Variants in GRAMD1B observed in about 807,000 individuals in gnomAD.
GRAMD1B encodes protein Aster-B.
GRAMD1B carries 37 observed loss-of-function variants against 99.7 expected under a neutral mutation model. That is an observed-to-expected ratio of 0.37 (90% CI 0.29 to 0.49). GRAMD1B has a LOEUF of 0.49. Among genes scored for constraint, GRAMD1B ranks in the 20% least tolerant of loss-of-function variants. GRAMD1B has a pLI of 0.98. For synonymous variants in GRAMD1B, 427 were observed against 387.6 expected, an observed-to-expected ratio of 1.10 and a Z score of -1.19; for missense variants, 888 against 1,009.2, an observed-to-expected ratio of 0.88 and a Z score of 1.63.
intron 1 of GRAMD1B, among the ~76,000 whole-genome samples, chr11:123,462,362 A>T (rs1211787811): frequency 6.6e-6 from 1 of 151,730 alleles, no homozygotes; most frequent in Non-Finnish European, 1.5e-5. Flanking sequence ...GGCAGAGCAG[A>T]CTCGTTACTT....
intron 2 of GRAMD1B, among the ~76,000 whole-genome samples, chr11:123,567,509 T>C (rs116235624): frequency 2.5e-3 from 380 of 152,344 alleles, no homozygotes; most frequent in African/African-American, 7.8e-3. Context: ...TTTTTCTCCT[T>C]GGCTCTGGCA....
chr11:123,609,692 G>A (rs1478337985), intron 12 of GRAMD1B, 103 bp from the exon 13 acceptor site: 3 of 680,904 alleles, frequency 4.4e-6, no homozygotes, highest in Admixed American at 2.8e-5. Context: ...TGGGGGCCAG[G>A]CAGTAGTAAG....
chr11:123,497,125 G>A (rs1939373722), intron 2 of GRAMD1B, among the ~76,000 whole-genome samples: 1 of 152,158 alleles, frequency 6.6e-6, no homozygotes, highest in Non-Finnish European at 1.5e-5. Flanking sequence ...GTATTTGAAG[G>A]CATTTGGCCC....
intron 2 of GRAMD1B, among the ~76,000 whole-genome samples, chr11:123,500,725 T>C (rs1033972267): frequency 1.3e-5 from 2 of 152,016 alleles, no homozygotes; most frequent in African/African-American, 4.8e-5. Context: ...CAGGCTGGAG[T>C]GCAGTGGCGC....
intron 1 of GRAMD1B, among the ~76,000 whole-genome samples, chr11:123,434,444 A>G (rs905697203): frequency 1.3e-5 from 2 of 152,124 alleles, no homozygotes; most frequent in Admixed American, 1.3e-4. Flanking sequence ...CCTTCCAAGA[A>G]AAGCAGCAAT....
At position 123,382,834 on chromosome 11, in the gene GRAMD1B, C is replaced by T. The variant is rs1393323760; in HGVS notation, c.-176+24035C>T. On this transcript the variant is annotated intron_variant, in intron 1 of 20. Transcript: ENST00000638157. The stretch of plus-strand genomic sequence containing the variant: ...AGAGGTCACCTGACCTGAGCTGTGG[C>T]CTTGGGTGCAGAGATGCAGTCAATC... 2.6e-5 allele frequency among the ~76,000 whole-genome samples: 4 copies of T among 152,128 alleles called. No homozygotes were observed. The East Asian group carries it at 7.7e-4, about 29-fold the overall frequency.
At chr11:123,508,728 C>T (rs1940687135) in intron 2 of GRAMD1B, among the ~76,000 whole-genome samples, 1 of 152,032 alleles carries the variant, frequency 6.6e-6, no homozygotes. Flanking sequence ...TCTTGTTGCC[C>T]AGGCTGGAGT....
chr11:123,507,447 T>G (rs1394131520), intron 2 of GRAMD1B, among the ~76,000 whole-genome samples: 2 of 152,198 alleles, frequency 1.3e-5, no homozygotes. Flanking sequence ...ATCCTCAACC[T>G]TTTTTATTAG....
intron 1 of GRAMD1B, among the ~76,000 whole-genome samples, chr11:123,446,575 T>G (rs1316259670): frequency 6.6e-6 from 1 of 152,284 alleles, no homozygotes; most frequent in South Asian, 2.1e-4. Context: ...ATTCAGAAAG[T>G]TCTCAGAACA....
intron 1 of GRAMD1B, among the ~76,000 whole-genome samples, chr11:123,364,868 T>C (rs1169218006): frequency 2.0e-5 from 3 of 152,196 alleles, no homozygotes; most frequent in African/African-American, 7.2e-5. Context: ...AAAATGAGTT[T>C]CTCAACTTGT....
chr11:123,380,163 C>T (rs1020137228), intron 1 of GRAMD1B, among the ~76,000 whole-genome samples: 2 of 152,174 alleles, frequency 1.3e-5, no homozygotes, highest in East Asian at 1.9e-4. Context: ...CTTTGAAACA[C>T]GAAACCTTCT....
In GRAMD1B at chr11:123,430,708, G is replaced by T. The variant is rs890048247; in HGVS notation, c.-85G>T. The T allele has an allele frequency of 2.6e-5, 15 of 586,082 alleles. 1 individual carries two copies. The East Asian group carries it at 4.5e-4, about 17-fold the overall frequency. The allele number at this position is 586,082 out of a possible 1,614,324, so 36.3% of individuals were successfully genotyped here. A position where few individuals can be genotyped will look rare whatever the true frequency, so the allele number is the denominator to read the frequency against. Reference sequence around the variant, plus strand: ...CCCAGGATTGGGGAGTGTGCCGCGGGGCCGAGGGTGGGGAACAGCCAGAGG... The same window carrying T: ...CCCAGGATTGGGGAGTGTGCCGCGGTGCCGAGGGTGGGGAACAGCCAGAGG... On this transcript the variant is annotated 5_prime_UTR_variant, in exon 1 of 20. Coordinates refer to ENST00000635736, the MANE Select transcript of GRAMD1B (RefSeq NM_001387025.1).
intron 10 of GRAMD1B, 27 bp downstream of exon 10, chr11:123,605,505 A>C: frequency 6.3e-7 from 1 of 1,586,554 alleles, no homozygotes; most frequent in Non-Finnish European, 8.6e-7. Flanking sequence ...TTTGACTTCT[A>C]CCCCCAGTCC....
At chr11:123,498,736 T>A (rs1939564871) in intron 2 of GRAMD1B, among the ~76,000 whole-genome samples, 1 of 152,208 alleles carries the variant, frequency 6.6e-6, no homozygotes, top group African/African-American at 2.4e-5. Context: ...TTCAGCCTTT[T>A]AACGTGGTTC....
intron 2 of GRAMD1B, among the ~76,000 whole-genome samples, chr11:123,513,196 G>A (rs1042503617): frequency 6.6e-6 from 1 of 152,118 alleles, no homozygotes; most frequent in African/African-American, 2.4e-5. Context: ...TCCCCTAGCC[G>A]CAATGTACTG....
rs769050514 is a variant in GRAMD1B at position 123,613,426 on chromosome 11, C to T, written c.2024-29C>T. On this transcript the variant is annotated intron_variant, in intron 15 of 19. Coordinates refer to ENST00000635736, the MANE Select transcript of GRAMD1B (RefSeq NM_001387025.1). ...GTTGCATTGGAGGGCTGAAGGTGGC[C>T]TCTCCTGTGGTCCTTTTGTCTCTGA... The T allele has an allele frequency of 3.2e-5, 49 of 1,535,816 alleles. No individual in the cohort carries two copies. In the East Asian group the frequency reaches 1.1e-3, roughly 35 times the overall value.
chr11:123,587,660 C>T lies in GRAMD1B; in HGVS notation c.684+3328C>T, dbSNP rs1476834240. Among the ~76,000 whole-genome samples, 2 of 152,214 alleles carry T rather than the reference C, an allele frequency of 1.3e-5. No individual in the cohort carries two copies. The stretch of plus-strand genomic sequence containing the variant: ...AAGGAGCATTTCTGAGATCAGAGCA[C>T]AGGAGCCCAGACCCTGGCAGCCGCC... On this transcript the variant is annotated intron_variant, in intron 4 of 19. Transcript: ENST00000635736. The surrounding 1 kb of genome is among the most constrained non-coding windows in gnomAD (Gnocchi z 4.2).
chr11:123,381,729 C>T (rs573486650), intron 1 of GRAMD1B, among the ~76,000 whole-genome samples: 9 of 152,218 alleles, frequency 5.9e-5, no homozygotes, highest in Non-Finnish European at 1.2e-4. Flanking sequence ...TGGTCACCAT[C>T]TCTTGGAACT....
At chr11:123,569,812 A>T (rs1297312930) in intron 2 of GRAMD1B, among the ~76,000 whole-genome samples, 1 of 152,246 alleles carries the variant, frequency 6.6e-6, no homozygotes, top group Non-Finnish European at 1.5e-5. Context: ...ATTAGGGACT[A>T]GTCATCAGCG....
Sources: allele counts gnomAD v4.1 joint callset (sites outside exome capture counted in the v4.1 genomes callset), GRCh38; gene constraint gnomAD v4.1.1; non-coding constraint Gnocchi (gnomAD v3.1); transcripts MANE v1.5; gene names NCBI Gene and HGNC (gene_info 2026-07-23, HGNC 2026-07-21).